The following HTR4 variants were observed in gnomAD, a reference collection of about 807,000 sequenced individuals.
HTR4 encodes the protein 5-hydroxytryptamine (serotonin) receptor 4, G protein-coupled.
HTR4 carries 16 observed loss-of-function variants against 36.8 expected under a neutral mutation model. That is an observed-to-expected ratio of 0.43 (90% confidence interval 0.29 to 0.66). HTR4 has a LOEUF of 0.66. Among genes scored for constraint, HTR4 ranks in the 30% least tolerant of loss-of-function variants. The pLI is 0.13. For missense variants in HTR4, 438 were observed against 490.9 expected, an observed-to-expected ratio of 0.89 and a Z score of 1.02; for synonymous variants, 189 against 185.1, an observed-to-expected ratio of 1.02 and a Z score of -0.17.
At chr5:148,580,406 A>C (rs911525908) in intron 2 of HTR4, among the ~76,000 whole-genome samples, 1 of 151,926 alleles carries the variant, frequency 6.6e-6, no homozygotes, top group Non-Finnish European at 1.5e-5. Context: ...CCCCCTTTTT[A>C]CTCTAATGAG....
At chr5:148,526,412 T>C (rs1464006954) in intron 4 of HTR4, among the ~76,000 whole-genome samples, 2 of 152,184 alleles carry the variant, frequency 1.3e-5, no homozygotes, top group African/African-American at 4.8e-5. Flanking sequence ...GAGGGATAAA[T>C]GAAGAATGAA....
chr5:148,461,655 T>G (rs1340471694), intron 5 of HTR4, among the ~76,000 whole-genome samples: 1 of 151,960 alleles, frequency 6.6e-6, no homozygotes, highest in Non-Finnish European at 1.5e-5. Context: ...AATAGATAAA[T>G]TCACGATTAT....
chr5:148,644,421 AGTTTT>A lies in HTR4; in HGVS notation c.-47-7365_-47-7361del, dbSNP rs1262027313. The stretch of plus-strand genomic sequence containing the variant: ...AAGATGAATAGGTCTCAAGCTCACA[AGTTTT>A]TTTTTTTTTTTTTTTTTTTTTTTTT... On this transcript the variant is annotated intron_variant, in intron 1 of 6. Transcript: ENST00000377888. Among the ~76,000 whole-genome samples, 85 of 85,846 alleles carry A rather than the reference AGTTTT, an allele frequency of 9.9e-4. 2 individuals are homozygous for A. Among genetic ancestry groups the A allele is most frequent in the African/African-American group, 3.6e-3 (81 of 22,316 alleles). The allele number at this position is 85,846 out of a possible 152,430, so 56.3% of individuals were successfully genotyped here. A position where few individuals can be genotyped will look rare whatever the true frequency, so the allele number is the denominator to read the frequency against.
chr5:148,587,360 A>T (rs1348950066), intron 2 of HTR4, among the ~76,000 whole-genome samples: 2 of 152,212 alleles, frequency 1.3e-5, no homozygotes, highest in African/African-American at 2.4e-5. Context: ...AAGGTCACAC[A>T]GCAAGTTAGT....
intron 6 of HTR4, 44 bp from the exon 7 acceptor site, chr5:148,483,337 T>A (rs1249973507): frequency 1.9e-6 from 3 of 1,554,332 alleles, no homozygotes; most frequent in Non-Finnish European, 8.8e-7. Context: ...TTGGAAAGGA[T>A]GTTGCAGATC....
At chr5:148,522,233 T>C (rs1277243634) in intron 5 of HTR4, among the ~76,000 whole-genome samples, 1 of 152,152 alleles carries the variant, frequency 6.6e-6, no homozygotes, top group Admixed American at 6.5e-5. Context: ...TCTTTATAAA[T>C]TACCCAATCT....
At chr5:148,519,239 G>A (rs1276058770) in intron 5 of HTR4, among the ~76,000 whole-genome samples, 2 of 152,178 alleles carry the variant, frequency 1.3e-5, no homozygotes, top group Non-Finnish European at 2.9e-5. Flanking sequence ...ATAAATGGTA[G>A]TGATGATGGA....
downstream of HTR4, among the ~76,000 whole-genome samples, chr5:148,473,214 C>T (rs184936153): frequency 8.7e-5 from 13 of 148,920 alleles, no homozygotes; most frequent in East Asian, 1.2e-3. Context: ...CAGGGGATGG[C>T]GTGAACGCAG....
chr5:148,566,274 A>C (rs992952997), intron 2 of HTR4, among the ~76,000 whole-genome samples: 1 of 152,206 alleles, frequency 6.6e-6, no homozygotes, highest in Non-Finnish European at 1.5e-5. Context: ...AAAAATATGT[A>C]TTTATATATG....
At chr5:148,641,879 A>G (rs1753739504) in intron 1 of HTR4, among the ~76,000 whole-genome samples, 2 of 152,168 alleles carry the variant, frequency 1.3e-5, no homozygotes, top group African/African-American at 4.8e-5. Context: ...GTGTAGTTGC[A>G]TCTCTATTAT....
chr5:148,511,254 C>T (rs796132062), intron 5 of HTR4, among the ~76,000 whole-genome samples: 61 of 152,182 alleles, frequency 4.0e-4, no homozygotes, highest in African/African-American at 1.4e-3. Context: ...AGTAAATATG[C>T]CTGTGTAATT....
intron 2 of HTR4, among the ~76,000 whole-genome samples, chr5:148,587,378 C>A (rs1462180264): frequency 6.6e-6 from 1 of 152,106 alleles, no homozygotes; most frequent in Non-Finnish European, 1.5e-5. Flanking sequence ...AGTGGCAGAT[C>A]TGGTACTGAA....
intron 2 of HTR4, among the ~76,000 whole-genome samples, chr5:148,618,807 A>G (rs113705866): frequency 3.3e-5 from 5 of 152,350 alleles, no homozygotes; most frequent in African/African-American, 1.2e-4. Context: ...GGATGTGAAT[A>G]TTTAAAGTTC....
At chr5:148,477,020 C>CT (rs1298507056), downstream of HTR4, among the ~76,000 whole-genome samples, 2 of 152,122 alleles carry the variant, frequency 1.3e-5, no homozygotes, top group Non-Finnish European at 2.9e-5. Context: ...AAGAAAAACT[C>CT]TAACAGTGGA....
chr5:148,637,003 A>G lies in HTR4; in HGVS notation c.12T>C (p.Leu4=), dbSNP rs1332161525. 2.5e-6 allele frequency: 4 copies of G among 1,605,686 alleles called. No homozygotes were observed. Among genetic ancestry groups the G allele is most frequent in the Non-Finnish European group, 3.4e-6 (4 of 1,172,826 alleles). ...AGGTAACATACCTCACATTAGCATC[A>G]AGTTTGTCCATTACAGGAAATAAGC... is the stretch of plus-strand genomic sequence containing the variant. MDK[L]DANVSSEEGF... is the part of the protein sequence containing the mutation. Residue 4 remains leucine, a synonymous_variant, in exon 2 of 7, where the codon CTT becomes CTC. Transcript: ENST00000377888.
At chr5:148,492,947 G>A (rs1756523195) in intron 6 of HTR4, among the ~76,000 whole-genome samples, 1 of 152,150 alleles carries the variant, frequency 6.6e-6, no homozygotes, top group Non-Finnish European at 1.5e-5. Flanking sequence ...TTCCTGAACA[G>A]TAAGTCTCAA....
Position 148,464,024 on chromosome 5 carries a change from C to A in HTR4, c.1077-12752G>T, listed in dbSNP as rs375034643. Among the ~76,000 whole-genome samples, 49 of 100,192 alleles carry A rather than the reference C, an allele frequency of 4.9e-4. 2 individuals are homozygous for A. The highest frequency in any genetic ancestry group is 1.5e-3 in the Admixed American group (11 of 7,400). The allele number at this position is 100,192 out of a possible 152,430, so 65.7% of individuals were successfully genotyped here. A position where few individuals can be genotyped will look rare whatever the true frequency, so the allele number is the denominator to read the frequency against. On this transcript the variant is annotated intron_variant, in intron 5 of 5. Transcript: ENST00000521530. ...AACACATAGTGGTAGAACAACTGGACATTGACATGCAAAAAAAAAAAAAAA... is the reference window on the plus strand; with the variant it reads ...AACACATAGTGGTAGAACAACTGGAAATTGACATGCAAAAAAAAAAAAAAA...
chr5:148,577,500 A>C (rs962794645), intron 2 of HTR4, among the ~76,000 whole-genome samples: 7 of 152,162 alleles, frequency 4.6e-5, no homozygotes, highest in Non-Finnish European at 8.8e-5. Context: ...TCATTCTACC[A>C]TAAAGACACA....
chr5:148,577,733 T>C (rs1760981219), intron 2 of HTR4, among the ~76,000 whole-genome samples: 4 of 152,050 alleles, frequency 2.6e-5, no homozygotes, highest in Admixed American at 2.6e-4. Flanking sequence ...AACCAAATAC[T>C]GCCTGTTCTT....
Sources: allele counts gnomAD v4.1 joint callset (sites outside exome capture counted in the v4.1 genomes callset), GRCh38; gene constraint gnomAD v4.1.1; transcripts MANE v1.5; gene names NCBI Gene and HGNC (gene_info 2026-07-23, HGNC 2026-07-21).